Variants in KY observed in about 807,000 individuals in gnomAD.
The protein encoded by KY is kyphoscoliosis peptidase.
KY carries 43 observed loss-of-function variants against 76.1 expected under a neutral mutation model. The observed-to-expected ratio is 0.57, with a 90% CI of 0.44 to 0.73. The LOEUF (loss-of-function observed/expected upper bound fraction) is 0.73, where lower values mean the gene tolerates loss of function less well. Among genes scored for constraint, KY ranks in the 30% least tolerant of loss-of-function variants. The probability of loss-of-function intolerance (pLI) is 0.00; values close to 1 mark genes in which losing one functional copy is unlikely to be tolerated. For missense variants in KY, 722 were observed against 828.9 expected (o/e 0.87, Z 1.58); for synonymous variants, 277 against 326.2 (o/e 0.85, Z 1.63).
intron 6 of KY, among the ~76,000 whole-genome samples, chr3:134,624,134 C>T (rs1963095822): frequency 6.6e-6 from 1 of 152,142 alleles, no homozygotes; most frequent in African/African-American, 2.4e-5. Flanking sequence ...GGTACTGATG[C>T]ACCCTCCAGG....
chr3:134,619,376 G>T, intron 7 of KY, 111 bp from the exon 8 acceptor site: 1 of 785,362 alleles, frequency 1.3e-6, no homozygotes, highest in Non-Finnish European at 2.3e-6. Flanking sequence ...AACTACAGTG[G>T]GCTGAATGGA....
chr3:134,608,211 G>A lies in KY; in HGVS notation c.1090+438C>T, dbSNP rs1363446804. The A allele has an allele frequency of 8.4e-6, 10 of 1,184,972 alleles. No individual in the cohort carries two copies. The East Asian group carries it at 3.5e-4, about 42-fold the overall frequency. 73.4% of individuals were successfully genotyped at this position (1,184,972 alleles called of 1,614,324 possible). A position where few individuals can be genotyped will look rare whatever the true frequency, so the allele number is the denominator to read the frequency against. The stretch of plus-strand genomic sequence containing the variant: ...GGGAAGAGAACACAGCAGGCCAGTA[G>A]CTTCTGTTGGGGACCTGAGCCCAGA... On this transcript the variant is annotated intron_variant, in intron 10 of 10. Transcript: ENST00000423778.
chr3:134,628,113 C>T, intron 4 of KY: 1 of 405,426 alleles, frequency 2.5e-6, no homozygotes, highest in Admixed American at 3.9e-5. Context: ...TTCATTGGGT[C>T]CTCCTGGAAC....
intron 3 of KY, among the ~76,000 whole-genome samples, chr3:134,631,704 C>A (rs911315127): frequency 2.6e-5 from 4 of 151,588 alleles, no homozygotes; most frequent in Non-Finnish European, 5.9e-5. Context: ...ACAAAAATAG[C>A]TATTATGGAG....
rs781478708 is a variant in KY at position 134,619,150 on chromosome 3, G to A, written c.708C>T (p.Cys236=). 19 of 1,612,734 alleles carry A rather than the reference G, an allele frequency of 1.2e-5. No homozygotes were observed. Among genetic ancestry groups the A allele is most frequent in the Non-Finnish European group, 1.6e-5 (19 of 1,178,856 alleles). Reference sequence around the variant, plus strand: ...ATGGGGACTCCTGTCTCTCGTACCTGCACATTCTCTCGAAGAGGCCAGCAT... The same window carrying A: ...ATGGGGACTCCTGTCTCTCGTACCTACACATTCTCTCGAAGAGGCCAGCAT... ...DGYAGLFERM[C]RLAGVQCMTV... The change falls in exon 8 of 11, where the codon TGC becomes TGT. Residue 236 remains cysteine (C), a splice_region_variant and synonymous_variant. Transcript: ENST00000423778.
intron 8 of KY, among the ~76,000 whole-genome samples, chr3:134,613,522 C>G (rs991833185): frequency 6.6e-6 from 1 of 152,184 alleles, no homozygotes; most frequent in African/African-American, 2.4e-5. Context: ...TGGTGGTCAC[C>G]TCTAGAGTGA....
At chr3:134,626,230 G>T (rs1963429495) in intron 5 of KY, among the ~76,000 whole-genome samples, 1 of 152,260 alleles carries the variant, frequency 6.6e-6, no homozygotes, top group Non-Finnish European at 1.5e-5. Flanking sequence ...CATGTCGGGA[G>T]CCTCTGGGTG....
rs1965999806 is a variant in KY, at chr3:134,643,346, G to T, written c.232C>A (p.Pro78Thr). 3 of 1,613,942 alleles carry T rather than the reference G, an allele frequency of 1.9e-6. No individual in the cohort carries two copies. The highest frequency in any genetic ancestry group is 2.5e-6 in the Non-Finnish European group (3 of 1,179,882). ...CTGTTGTAGGAAGTGATGACCTGGGGCTGCTGAGGGTGCTGCTTCTCCACC... is the reference window on the plus strand; with the variant it reads ...CTGTTGTAGGAAGTGATGACCTGGGTCTGCTGAGGGTGCTGCTTCTCCACC... Reference protein sequence around the residue: ...NLVEKQHPQQPQVITSYNSQG... With the variant: ...NLVEKQHPQQTQVITSYNSQG... Residue 78 changes from proline to threonine, a missense_variant, in exon 3 of 11, where the codon CCC becomes ACC. Physicochemically the swap from Pro to Thr is conservative, Grantham distance 38 (BLOSUM62 -1). This residue lies in a region of KY where 170 missense variants were observed against 148.1 expected (regional missense o/e 1.15). Coordinates refer to ENST00000423778, the MANE Select transcript of KY (RefSeq NM_178554.6).
intron 6 of KY, among the ~76,000 whole-genome samples, chr3:134,623,311 C>T (rs1962943849): frequency 6.6e-6 from 1 of 152,184 alleles, no homozygotes; most frequent in Non-Finnish European, 1.5e-5. Flanking sequence ...AATCTGGGCC[C>T]TTTGCAGACT....
chr3:134,607,356 T>A, intron 10 of KY: 1 of 985,542 alleles, frequency 1.0e-6, no homozygotes, highest in Non-Finnish European at 1.2e-6. Context: ...TGGGGACACC[T>A]GTGCTCCCCG....
intron 10 of KY, chr3:134,608,353 G>A (rs971737507): frequency 2.1e-5 from 28 of 1,327,302 alleles, no homozygotes; most frequent in Non-Finnish European, 2.7e-5. Flanking sequence ...TGTGTGTTCA[G>A]CCTTCAAGTT....
In KY at chr3:134,633,621, C is replaced by T. The variant is rs777729771; in HGVS notation, c.263-3926G>A. 1.1e-4 allele frequency among the ~76,000 whole-genome samples: 17 copies of T among 152,122 alleles called. No individual in the cohort carries two copies. The Middle Eastern group carries it at 0.01, about 91-fold the overall frequency. On this transcript the variant is annotated intron_variant, in intron 3 of 10. Coordinates refer to ENST00000423778, the MANE Select transcript of KY (RefSeq NM_178554.6). The stretch of plus-strand genomic sequence containing the variant: ...AACTTTCTTAATCTGAAAAAGGAAA[C>T]CTACAAAAAGCATACAGCTAACAGC...
chr3:134,640,673 G>A (rs1965632887), intron 3 of KY, among the ~76,000 whole-genome samples: 1 of 152,170 alleles, frequency 6.6e-6, no homozygotes. Context: ...AATGGCAGGT[G>A]CTGGCACCAA....
intron 8 of KY, among the ~76,000 whole-genome samples, chr3:134,616,671 C>T (rs1365835975): frequency 2.0e-5 from 3 of 152,160 alleles, no homozygotes; most frequent in Non-Finnish European, 4.4e-5. Flanking sequence ...TAATGATAAG[C>T]TGCAGGCCAG....
intron 3 of KY, among the ~76,000 whole-genome samples, chr3:134,639,632 C>T (rs535164551): frequency 2.0e-5 from 3 of 152,166 alleles, no homozygotes; most frequent in Admixed American, 6.5e-5. Context: ...GAAGCCTCAA[C>T]AGAAAACTGA....
In KY at chr3:134,604,149, G is replaced by A. The variant is rs1352561510; in HGVS notation, c.1416C>T (p.Ile472=). The part of the protein sequence containing the change: ...GIMKPSHPDP[I]IHTSDGRCSI... The stretch of plus-strand genomic sequence containing the variant: ...AGCAGCGCCCGTCGCTGGTGTGGAT[G>A]ATAGGGTCAGGGTGGGAGGGCTTCA... The change falls in exon 11 of 11, where the codon ATC becomes ATT. Residue 472 remains isoleucine, a synonymous_variant. Transcript: ENST00000423778. 1 of 1,607,980 alleles carries A rather than the reference G, an allele frequency of 6.2e-7. No individual in the cohort carries two copies. The highest frequency in any genetic ancestry group is 1.3e-5 in the African/African-American group (1 of 74,832).
At position 134,650,925 on chromosome 3, in the gene KY, G is replaced by A; in HGVS notation, c.36C>T (p.Ile12=). ...CCGAGTGCACGATCAGCAGCATGTCGATAGATACAGCGTTGATGTCCTTCT... is the reference window on the plus strand; with the variant it reads ...CCGAGTGCACGATCAGCAGCATGTCAATAGATACAGCGTTGATGTCCTTCT... ...ELKKDINAVS[I]DMLLIVHSEK... The change falls in exon 1 of 11, where the codon ATC becomes ATT. Residue 12 remains isoleucine, a synonymous_variant. Transcript: ENST00000423778. The A allele has an allele frequency of 6.2e-7, 1 of 1,613,346 alleles. No individual in the cohort carries two copies. The highest frequency in any genetic ancestry group is 8.5e-7 in the Non-Finnish European group (1 of 1,179,518).
chr3:134,605,362 G>T (rs551025928), intron 10 of KY, among the ~76,000 whole-genome samples: 1 of 152,258 alleles, frequency 6.6e-6, no homozygotes, highest in South Asian at 2.1e-4. Context: ...GTTCACAGTT[G>T]AGTGCAAAGG....
intron 6 of KY, among the ~76,000 whole-genome samples, chr3:134,623,340 C>T (rs950452663): frequency 6.6e-6 from 1 of 152,144 alleles, no homozygotes; most frequent in Admixed American, 6.5e-5. Context: ...CACCCACTTT[C>T]CTCATTCACA....
Sources: allele counts gnomAD v4.1 joint callset (sites outside exome capture counted in the v4.1 genomes callset), GRCh38; gene constraint gnomAD v4.1.1; regional missense constraint gnomAD v4.1.1; transcripts MANE v1.5; gene names NCBI Gene and HGNC (gene_info 2026-07-23, HGNC 2026-07-21).